Variants in LIN9 observed in about 807,000 individuals in gnomAD.
The protein encoded by LIN9 is lin-9 DREAM MuvB core complex component, also known as protein lin-9 homolog.
LIN9 carries 18 observed loss-of-function variants against 78.0 expected under a neutral mutation model. The ratio of observed to expected loss-of-function variants is 0.23; its 90% CI spans 0.16 to 0.34. The LOEUF (loss-of-function observed/expected upper bound fraction) is 0.34, where lower values mean the gene tolerates loss of function less well. LIN9 is among the 10% of genes least tolerant of loss of function. The pLI is 1.00. For synonymous variants in LIN9, 192 were observed against 215.2 expected, an observed-to-expected ratio of 0.89 and a Z score of 0.94; for missense variants, 451 against 644.1, an observed-to-expected ratio of 0.70 and a Z score of 3.25.
chr1:226,253,307 A>C (rs921464933), intron 10 of LIN9, among the ~76,000 whole-genome samples: 11 of 150,634 alleles, frequency 7.3e-5, no homozygotes, highest in African/African-American at 2.4e-4. Flanking sequence ...AAAAAAATGT[A>C]TCTCTCTTTT....
intron 7 of LIN9, among the ~76,000 whole-genome samples, chr1:226,272,671 T>A (rs908104967): frequency 1.3e-5 from 2 of 151,946 alleles, no homozygotes. Flanking sequence ...GTGTCTAGAC[T>A]TGCTGGCTCC....
At chr1:226,284,292 T>C (rs1661263539) in intron 6 of LIN9, among the ~76,000 whole-genome samples, 1 of 152,196 alleles carries the variant, frequency 6.6e-6, no homozygotes, top group African/African-American at 2.4e-5. Flanking sequence ...ACTACCACTC[T>C]GCTTTAATTA....
intron 4 of LIN9, among the ~76,000 whole-genome samples, chr1:226,294,697 G>A (rs1245146954): frequency 1.3e-5 from 2 of 151,932 alleles, no homozygotes; most frequent in African/African-American, 4.8e-5. Flanking sequence ...AGAGAAATAG[G>A]GAATGATTAT....
rs561040333 is a variant in LIN9, at chr1:226,291,461, A to AAT, written c.265-3666_265-3665dup. Among the ~76,000 whole-genome samples the AAT allele has an allele frequency of 1.1e-3, 175 of 152,194 alleles. 1 individual carries two copies. Among genetic ancestry groups the AAT allele is most frequent in the African/African-American group, 4.0e-3 (167 of 41,556 alleles). On this transcript the variant is annotated intron_variant, in intron 4 of 14. Transcript: ENST00000681046. ...AATACATACATTTAGAAAAAGAAAA[A>AAT]ATATATATACATTTAACAATATTAA...
In LIN9 at chr1:226,270,824, C is replaced by CAA. The variant is rs764106581; in HGVS notation, c.683-2736_683-2735dup. Among the ~76,000 whole-genome samples, 96 of 22,076 alleles carry CAA rather than the reference C, an allele frequency of 4.3e-3. 2 individuals are homozygous for CAA. The highest frequency in any genetic ancestry group is 0.025 in the Middle Eastern group (1 of 40). 14.5% of individuals were successfully genotyped at this position (22,076 alleles called of 152,430 possible). ...TGGAAGACAGAGCAAGACTCTGTCT[C>CAA]AAAAAAAAAAAAAAAAAAAAAAAAA... On this transcript the variant is annotated intron_variant, in intron 7 of 14. Transcript: ENST00000681046.
chr1:226,290,065 T>C (rs1357825625), intron 4 of LIN9, among the ~76,000 whole-genome samples: 1 of 151,798 alleles, frequency 6.6e-6, no homozygotes, highest in East Asian at 1.9e-4. Flanking sequence ...TAAAATCCCA[T>C]ATGTTAAAAA....
At chr1:226,282,070 T>C (rs556645712) in intron 6 of LIN9, among the ~76,000 whole-genome samples, 42 of 152,356 alleles carry the variant, frequency 2.8e-4, no homozygotes, top group African/African-American at 9.1e-4. Flanking sequence ...TCTATTTTTC[T>C]CAAATAGCTA....
chr1:226,242,438 T>C (rs1002366422), intron 11 of LIN9, among the ~76,000 whole-genome samples: 8 of 152,184 alleles, frequency 5.3e-5, no homozygotes, highest in African/African-American at 1.9e-4. Flanking sequence ...CACAAAATTT[T>C]AGGATGTACT....
intron 7 of LIN9, among the ~76,000 whole-genome samples, chr1:226,274,444 G>C (rs1022719934): frequency 6.6e-6 from 1 of 152,132 alleles, no homozygotes; most frequent in African/African-American, 2.4e-5. Context: ...TCTGTATTGT[G>C]TCTAATGATG....
intron 10 of LIN9, among the ~76,000 whole-genome samples, chr1:226,262,430 C>A (rs1466748497): frequency 1.3e-5 from 2 of 152,040 alleles, no homozygotes; most frequent in Non-Finnish European, 2.9e-5. Flanking sequence ...TAAAACCCAA[C>A]AATAAGAAAA....
At chr1:226,239,267 T>C (rs1010969594) in intron 11 of LIN9, among the ~76,000 whole-genome samples, 171 bp from the exon 12 acceptor site, 30 of 152,366 alleles carry the variant, frequency 2.0e-4, no homozygotes, top group Middle Eastern at 6.8e-3. Flanking sequence ...ATTTAGGAGA[T>C]TGTCCTTGTT....
At chr1:226,273,088 T>C (rs995877077) in intron 7 of LIN9, among the ~76,000 whole-genome samples, 2 of 151,132 alleles carry the variant, frequency 1.3e-5, no homozygotes, top group African/African-American at 2.4e-5. Flanking sequence ...GGATTAGAGG[T>C]GTGAGCCAGT....
chr1:226,308,137 G>C (rs1330625549), intron 1 of LIN9, among the ~76,000 whole-genome samples: 1 of 152,218 alleles, frequency 6.6e-6, no homozygotes, highest in Non-Finnish European at 1.5e-5. Flanking sequence ...AAACTGAATA[G>C]TGAAAGTGGA....
Position 226,233,130 on chromosome 1 carries a change from C to T in LIN9, c.1489G>A (p.Asp497Asn), listed in dbSNP as rs1394587840. ...EFKSLTDSLN[D>N]IKSTIDASNI... ...GAAGCGTCTATTGTACTCTTGATAT[C>T]ATTTAATGAGTCTGTAAGTGATTTG... is the stretch of plus-strand genomic sequence containing the variant. The change falls in exon 14 of 15, where the codon GAT becomes AAT. Residue 497 changes from aspartate (D) to asparagine (N), a missense_variant. By Grantham distance (23) the Asp-to-Asn change is conservative. Coordinates refer to ENST00000681046, the MANE Select transcript of LIN9 (RefSeq NM_001366245.2). 1 of 1,607,476 alleles carries T rather than the reference C, an allele frequency of 6.2e-7. No individual in the cohort carries two copies.
chr1:226,277,770 C>T lies in LIN9; in HGVS notation c.682+5G>A. The T allele has an allele frequency of 1.2e-6, 2 of 1,611,104 alleles. No individual in the cohort carries two copies. ...CAAAAGAGTAATTAGCTTGTTTTCA[C>T]TTACCTGTAACTTTCGTTCCAATAA... On this transcript the variant is annotated splice_donor_5th_base_variant and intron_variant, in intron 7 of 14. Transcript: ENST00000681046.
intron 3 of LIN9, 93 bp downstream of exon 3, chr1:226,297,626 A>AT (rs11390947): frequency 0.67 from 530,704 of 793,964 alleles, 180,081 homozygotes; most frequent in Admixed American, 0.72. Flanking sequence ...AAACTTGTAA[A>AT]TTTTTTACTG....
chr1:226,284,678 C>T (rs1661290430), intron 6 of LIN9, among the ~76,000 whole-genome samples: 1 of 152,080 alleles, frequency 6.6e-6, no homozygotes, highest in Non-Finnish European at 1.5e-5. Context: ...AAGCCGAGAT[C>T]ACGCCACTGC....
chr1:226,287,423 AC>A (rs1661442767), intron 5 of LIN9, among the ~76,000 whole-genome samples: 2 of 152,204 alleles, frequency 1.3e-5, no homozygotes, highest in African/African-American at 4.8e-5. Context: ...AAGAATTCTA[AC>A]ACAGAAATTA....
chr1:226,261,563 A>T (rs182409384), intron 10 of LIN9, among the ~76,000 whole-genome samples: 2 of 152,368 alleles, frequency 1.3e-5, no homozygotes, highest in East Asian at 1.9e-4. Flanking sequence ...ATACTTAAGT[A>T]TAAATCCAAC....
Sources: allele counts gnomAD v4.1 joint callset (sites outside exome capture counted in the v4.1 genomes callset), GRCh38; gene constraint gnomAD v4.1.1; transcripts MANE v1.5; gene names NCBI Gene and HGNC (gene_info 2026-07-23, HGNC 2026-07-21).